The following CAMTA1 variants were observed in gnomAD, a reference collection of about 807,000 sequenced individuals.
CAMTA1 encodes calmodulin-binding transcription activator 1.
CAMTA1 carries 27 observed loss-of-function variants against 170.9 expected under a neutral mutation model. The ratio of observed to expected loss-of-function variants is 0.16; its 90% CI spans 0.12 to 0.22. CAMTA1 has a LOEUF of 0.22. CAMTA1 is among the 10% of genes least tolerant of loss of function. The probability of loss-of-function intolerance (pLI) is 1.00; values close to 1 mark genes in which losing one functional copy is unlikely to be tolerated. For missense variants in CAMTA1, 1,619 were observed against 2,217.2 expected (o/e 0.73, Z 5.42); for synonymous variants, 833 against 891.5 (o/e 0.93, Z 1.17).
rs533566636 is a variant in CAMTA1 at position 7,601,327 on chromosome 1, C to A, written c.511-39073C>A. 2.1e-3 allele frequency among the ~76,000 whole-genome samples: 321 copies of A among 152,152 alleles called. 1 individual carries two copies. The highest frequency in any genetic ancestry group is 3.9e-3 in the Non-Finnish European group (262 of 67,988). ...GACGGTGCGGCCGGGCAGAGACGCT[C>A]CTCACATCCCAGACGGGGCGGCAGG... On this transcript the variant is annotated intron_variant, in intron 6 of 22. Coordinates refer to ENST00000303635, the MANE Select transcript of CAMTA1 (RefSeq NM_015215.4).
chr1:7,764,831 G>A (rs564803690), intron 22 of CAMTA1, among the ~76,000 whole-genome samples: 17 of 152,024 alleles, frequency 1.1e-4, no homozygotes, highest in African/African-American at 3.9e-4. Context: ...GTGGTGGTGC[G>A]TGCCTGTAAT....
intron 4 of CAMTA1, among the ~76,000 whole-genome samples, chr1:7,221,351 G>A (rs1393612082): frequency 6.6e-6 from 1 of 152,062 alleles, no homozygotes; most frequent in Non-Finnish European, 1.5e-5. Context: ...GCCAGAGACT[G>A]TGTGAGACTC....
chr1:7,383,983 T>A (rs902700257), intron 5 of CAMTA1, among the ~76,000 whole-genome samples: 7 of 152,050 alleles, frequency 4.6e-5, no homozygotes, highest in African/African-American at 1.4e-4. Context: ...GCCCCATACA[T>A]GTAATGGAGC....
In CAMTA1 at chr1:7,270,287, A is replaced by ATTT. The variant is rs1249476043; in HGVS notation, c.438+20662_438+20663insTTT. Among the ~76,000 whole-genome samples, 197 of 111,508 alleles carry ATTT rather than the reference A, an allele frequency of 1.8e-3. 8 individuals carry two copies. The East Asian group carries it at 0.037, about 21-fold the overall frequency. The allele number at this position is 111,508 out of a possible 152,430, so 73.2% of individuals were successfully genotyped here. On this transcript the variant is annotated intron_variant, in intron 5 of 22. Coordinates refer to ENST00000303635, the MANE Select transcript of CAMTA1 (RefSeq NM_015215.4). ...CACACACACACACATATATATATAT[A>ATTT]TATATTTTTTTTTTTTTTTCTTGTG...
chr1:7,592,695 G>T lies in CAMTA1; in HGVS notation c.511-47705G>T, dbSNP rs1199985003. ...TGGGTCAGGTCGGAAGCTTGTCTGT[G>T]CCCTGAACATAGGACACACAGTGTC... On this transcript the variant is annotated intron_variant, in intron 6 of 22. Coordinates refer to ENST00000303635, the MANE Select transcript of CAMTA1 (RefSeq NM_015215.4). The surrounding 1 kb of genome is among the most constrained non-coding windows in gnomAD (Gnocchi z 4.6). Among the ~76,000 whole-genome samples the T allele has an allele frequency of 6.6e-6, 1 of 152,136 alleles. No homozygotes were observed. The highest frequency in any genetic ancestry group is 6.6e-5 in the Admixed American group (1 of 15,266).
At chr1:7,372,126 G>A (rs1282139346) in intron 5 of CAMTA1, among the ~76,000 whole-genome samples, 1 of 152,150 alleles carries the variant, frequency 6.6e-6, no homozygotes, top group African/African-American at 2.4e-5. Flanking sequence ...AGAACAGCCA[G>A]GTCTTCCTGG....
chr1:7,034,308 C>G (rs886687324), intron 3 of CAMTA1, among the ~76,000 whole-genome samples: 3 of 152,168 alleles, frequency 2.0e-5, no homozygotes, highest in Admixed American at 6.5e-5. Context: ...AGGTGCCCAC[C>G]ACCACAGCCA....
intron 7 of CAMTA1, among the ~76,000 whole-genome samples, chr1:7,646,654 C>CTGGTGACTGAGGGTGGAGGCCA (rs1396273821): frequency 6.7e-6 from 1 of 149,018 alleles, no homozygotes; most frequent in Non-Finnish European, 1.5e-5. Context: ...GGTAGAGGCC[C>CTGGTGACTGAGGGTGGAGGCCA]TGGTGACTGA....
At chr1:7,549,691 CA>C (rs2094772402) in intron 6 of CAMTA1, among the ~76,000 whole-genome samples, 1 of 151,952 alleles carries the variant, frequency 6.6e-6, no homozygotes, top group Non-Finnish European at 1.5e-5. Context: ...GTGATTAAAA[CA>C]AAGACACCTG....
intron 5 of CAMTA1, among the ~76,000 whole-genome samples, chr1:7,326,301 C>T (rs375540824): frequency 2.6e-4 from 39 of 152,332 alleles, no homozygotes; most frequent in African/African-American, 8.2e-4. Context: ...AGCTGCCTTA[C>T]AGCAGTTGAG....
Position 6,887,205 on chromosome 1 carries a change from A to C in CAMTA1, c.234+61995A>C, listed in dbSNP as rs1395327914. 6.6e-6 allele frequency among the ~76,000 whole-genome samples: 1 copy of C among 152,224 alleles called. No homozygotes were observed. Among genetic ancestry groups the C allele is most frequent in the African/African-American group, 2.4e-5 (1 of 41,448 alleles). ...ATGTTAGAAGAAAACCCAAAACTTA[A>C]GTAGTTTGCTGAATATGCATAGTAA... On this transcript the variant is annotated intron_variant, in intron 3 of 22. Coordinates refer to ENST00000303635, the MANE Select transcript of CAMTA1 (RefSeq NM_015215.4). The surrounding 1 kb of genome is among the most constrained non-coding windows in gnomAD (Gnocchi z 4.1).
chr1:7,173,636 C>T lies in CAMTA1; in HGVS notation c.303-75855C>T, dbSNP rs903197241. On this transcript the variant is annotated intron_variant, in intron 4 of 22. Coordinates refer to ENST00000303635, the MANE Select transcript of CAMTA1 (RefSeq NM_015215.4). This position sits in a 1 kb window ranked among gnomAD's most constrained non-coding sequence, Gnocchi z 5.4. The stretch of plus-strand genomic sequence containing the variant: ...TTCCTGACCTCAGGTGATCCACCCA[C>T]CTCAGCCTCCCAAAGTGCTGAGATT... Among the ~76,000 whole-genome samples the T allele has an allele frequency of 6.6e-6, 1 of 152,158 alleles. No individual in the cohort carries two copies.
intron 5 of CAMTA1, among the ~76,000 whole-genome samples, chr1:7,348,821 G>T (rs2084425571): frequency 6.6e-6 from 1 of 152,318 alleles, no homozygotes; most frequent in Non-Finnish European, 1.5e-5. Flanking sequence ...CACGTTCACT[G>T]TATTACGACC....
At position 7,296,790 on chromosome 1, in the gene CAMTA1, G is replaced by A. The variant is rs1450701501; in HGVS notation, c.438+47164G>A. Among the ~76,000 whole-genome samples the A allele has an allele frequency of 2.0e-5, 3 of 151,968 alleles. No homozygotes were observed. The East Asian group carries it at 5.8e-4, about 29-fold the overall frequency. Reference sequence around the variant, plus strand: ...AGTCAGACCAGAGATACAGACTTTTGTAGTCATTAATCACGGATGACCACC... The same window carrying A: ...AGTCAGACCAGAGATACAGACTTTTATAGTCATTAATCACGGATGACCACC... On this transcript the variant is annotated intron_variant, in intron 5 of 22. Coordinates refer to ENST00000303635, the MANE Select transcript of CAMTA1 (RefSeq NM_015215.4).
intron 6 of CAMTA1, among the ~76,000 whole-genome samples, chr1:7,556,463 G>A (rs1404507859): frequency 6.6e-6 from 1 of 152,240 alleles, no homozygotes; most frequent in South Asian, 2.1e-4. Context: ...GGTTTTCTGA[G>A]CATGCTCTCA....
chr1:6,992,139 G>A (rs960097499), intron 3 of CAMTA1, among the ~76,000 whole-genome samples: 1 of 152,104 alleles, frequency 6.6e-6, no homozygotes, highest in Admixed American at 6.6e-5. Flanking sequence ...ATGCAGTTAT[G>A]CCTCACTGCA....
intron 5 of CAMTA1, among the ~76,000 whole-genome samples, chr1:7,327,422 A>AAG (rs2082756438): frequency 6.6e-6 from 1 of 151,544 alleles, no homozygotes. Flanking sequence ...AAAAAAAAAA[A>AAG]AAAGAAAAAA....
In CAMTA1 at chr1:7,642,180, C is replaced by T. The variant is rs775277981; in HGVS notation, c.664+1627C>T. On this transcript the variant is annotated intron_variant, in intron 7 of 22. Transcript: ENST00000303635. The surrounding 1 kb of genome is among the most constrained non-coding windows in gnomAD (Gnocchi z 6.3). ...CCCCACGGGGGAGATGTCAGCTTCCCGCGCTTCATCAGGAGGGGCCTCGTG... is the reference window on the plus strand; with the variant it reads ...CCCCACGGGGGAGATGTCAGCTTCCTGCGCTTCATCAGGAGGGGCCTCGTG... 2.0e-5 allele frequency among the ~76,000 whole-genome samples: 3 copies of T among 152,176 alleles called. No homozygotes were observed. Among genetic ancestry groups the T allele is most frequent in the Non-Finnish European group, 4.4e-5 (3 of 68,026 alleles).
chr1:7,095,474 G>T (rs1230272436), intron 4 of CAMTA1, among the ~76,000 whole-genome samples: 1 of 152,226 alleles, frequency 6.6e-6, no homozygotes, highest in African/African-American at 2.4e-5. Flanking sequence ...AGCTCTGCCA[G>T]GTATGGAAGG....
Sources: gnomAD v4.1 joint callset for allele counts (sites outside exome capture counted in the v4.1 genomes callset) on GRCh38, gnomAD v4.1.1 for gene constraint, Gnocchi (gnomAD v3.1) non-coding constraint, MANE v1.5 for transcripts, NCBI Gene and HGNC (gene_info 2026-07-23, HGNC 2026-07-21) for gene names.